LMTK2: variants seen among roughly 807,000 people sequenced by gnomAD.
LMTK2 encodes the protein lemur tail kinase 2, also known as serine/threonine-protein kinase LMTK2.
Under a neutral mutation model 127.5 loss-of-function variants are expected in LMTK2, and 37 were observed. That is an observed-to-expected ratio of 0.29 (90% confidence interval 0.22 to 0.38). The LOEUF (loss-of-function observed/expected upper bound fraction) is 0.38. LMTK2 is among the 10% of genes least tolerant of loss of function. LMTK2 has a pLI of 1.00. For synonymous variants in LMTK2, 819 were observed against 810.1 expected (o/e 1.01, Z -0.19); for missense variants, 1,694 against 1,920.3 (o/e 0.88, Z 2.20).
chr7:98,179,047 T>C (rs1797313767), intron 7 of LMTK2, among the ~76,000 whole-genome samples: 1 of 152,204 alleles, frequency 6.6e-6, no homozygotes, highest in Admixed American at 6.5e-5. Flanking sequence ...CACTGTTTGC[T>C]TCCTCACCAC....
Position 98,153,389 on chromosome 7 carries a change from A to G in LMTK2, c.451-1369A>G, listed in dbSNP as rs148776585. Among the ~76,000 whole-genome samples, 194 of 152,296 alleles carry G rather than the reference A, an allele frequency of 1.3e-3. 1 individual carries two copies. The East Asian group carries it at 0.037, about 29-fold the overall frequency. On this transcript the variant is annotated intron_variant, in intron 4 of 13. Coordinates refer to ENST00000297293, the MANE Select transcript of LMTK2 (RefSeq NM_014916.4). ...AGTTCCAAGAAGATTAATTGCAGTAATGCTGCAGCTTACAAATGGAGTAAG... is the reference window on the plus strand; with the variant it reads ...AGTTCCAAGAAGATTAATTGCAGTAGTGCTGCAGCTTACAAATGGAGTAAG...
In LMTK2 at chr7:98,179,597, C is replaced by T. The variant is rs13224960; in HGVS notation, c.792-5454C>T. 3.4e-3 allele frequency among the ~76,000 whole-genome samples: 501 copies of T among 147,518 alleles called. 5 individuals carry two copies. The highest frequency in any genetic ancestry group is 0.011 in the African/African-American group (455 of 39,572). ...CTCCTCCCTCTCTCCCTCCTTCCCT[C>T]TCTCCCTCCCTCCCTTTCTCCCTCC... is the stretch of plus-strand genomic sequence containing the variant. On this transcript the variant is annotated intron_variant, in intron 7 of 13. Transcript: ENST00000297293.
At chr7:98,188,472 T>A (rs1007692409) in intron 9 of LMTK2, among the ~76,000 whole-genome samples, 16 of 152,048 alleles carry the variant, frequency 1.1e-4, no homozygotes, top group South Asian at 4.1e-4. Context: ...TTATATATAT[T>A]TTTTTAGTAG....
chr7:98,114,119 C>G (rs1252368900), intron 1 of LMTK2, among the ~76,000 whole-genome samples: 1 of 152,052 alleles, frequency 6.6e-6, no homozygotes. Flanking sequence ...AAAAGAGTGA[C>G]TCTGTATTCC....
intron 1 of LMTK2, among the ~76,000 whole-genome samples, chr7:98,118,484 C>T (rs1796318820): frequency 6.6e-6 from 1 of 152,124 alleles, no homozygotes; most frequent in African/African-American, 2.4e-5. Context: ...GAGCATGGGG[C>T]TGTAGACTTG....
intron 11 of LMTK2, among the ~76,000 whole-genome samples, chr7:98,202,373 T>C (rs1797716433): frequency 6.6e-6 from 1 of 152,218 alleles, no homozygotes. Flanking sequence ...ATTTTTATAA[T>C]AGTCCTTTTT....
intron 7 of LMTK2, among the ~76,000 whole-genome samples, chr7:98,181,887 G>C (rs1797361978): frequency 1.3e-5 from 2 of 152,156 alleles, no homozygotes; most frequent in Non-Finnish European, 2.9e-5. Context: ...TCCATCTCTT[G>C]ACCTTGTGAT....
chr7:98,182,599 C>T (rs575399387), intron 7 of LMTK2, among the ~76,000 whole-genome samples: 18 of 152,120 alleles, frequency 1.2e-4, no homozygotes, highest in African/African-American at 3.9e-4. Flanking sequence ...TTGGTGAGGA[C>T]GTGGAAAAAT....
Position 98,209,432 on chromosome 7 carries a change from C to T in LMTK2, c.*3940C>T, listed in dbSNP as rs549859469. On this transcript the variant is annotated 3_prime_UTR_variant, in exon 14 of 14. Transcript: ENST00000297293. ...GGAGGACGTAGGGGGCCGTCACACCCACCAGGCCTCCCTGCTGTGCTTTAA... is the reference window on the plus strand; with the variant it reads ...GGAGGACGTAGGGGGCCGTCACACCTACCAGGCCTCCCTGCTGTGCTTTAA... 1.3e-5 allele frequency: 2 copies of T among 152,300 alleles called. No individual in the cohort carries two copies. Among genetic ancestry groups the T allele is most frequent in the South Asian group, 4.1e-4 (2 of 4,828 alleles). 9.4% of individuals were successfully genotyped at this position (152,300 alleles called of 1,614,324 possible).
intron 13 of LMTK2, among the ~76,000 whole-genome samples, chr7:98,205,038 C>T (rs991936346): frequency 6.6e-6 from 1 of 152,164 alleles, no homozygotes; most frequent in Non-Finnish European, 1.5e-5. Context: ...ACATAGGGAG[C>T]CTTCTTTCCC....
intron 3 of LMTK2, among the ~76,000 whole-genome samples, chr7:98,149,946 G>C (rs1180265893): frequency 6.6e-6 from 1 of 152,144 alleles, no homozygotes; most frequent in Non-Finnish European, 1.5e-5. Context: ...ATAAGAAACA[G>C]CCAATAAAAA....
At chr7:98,139,346 C>A (rs900203998) in intron 2 of LMTK2, among the ~76,000 whole-genome samples, 3 of 152,176 alleles carry the variant, frequency 2.0e-5, no homozygotes, top group Non-Finnish European at 2.9e-5. Flanking sequence ...AACTACTGGG[C>A]TCAAGTGATC....
intron 11 of LMTK2, among the ~76,000 whole-genome samples, chr7:98,200,707 A>C (rs183844775): frequency 1.3e-5 from 2 of 152,248 alleles, no homozygotes; most frequent in Non-Finnish European, 2.9e-5. Flanking sequence ...TCATATTTGC[A>C]TATAACCTAC....
At chr7:98,155,844 A>G (rs1309187983) in intron 5 of LMTK2, among the ~76,000 whole-genome samples, 1 of 152,206 alleles carries the variant, frequency 6.6e-6, no homozygotes, top group Non-Finnish European at 1.5e-5. Flanking sequence ...GAACAAAAAT[A>G]TGGCTGAACT....
chr7:98,158,179 T>TCCATATATTCCAAAA, intron 5 of LMTK2, among the ~76,000 whole-genome samples: 1 of 152,374 alleles, frequency 6.6e-6, no homozygotes, highest in Admixed American at 6.5e-5. Flanking sequence ...TTGCATATAC[T>TCCATATATTCCAAAA]GTGGAAATTT....
rs773728069 is a variant in LMTK2 at position 98,192,939 on chromosome 7, C to T, written c.2474C>T (p.Thr825Met). 1.2e-5 allele frequency: 19 copies of T among 1,614,028 alleles called. No homozygotes were observed. The highest frequency in any genetic ancestry group is 4.4e-5 in the South Asian group (4 of 91,086). ...CCTACCTCCTTCGAAACAGAAGAAA[C>T]GCCCCGTCGGGTACCCCCAGACTCA... is the stretch of plus-strand genomic sequence containing the variant. Reference protein sequence around the residue: ...VPPTSFETEETPRRVPPDSLP... With the variant: ...VPPTSFETEEMPRRVPPDSLP... Residue 825 changes from threonine to methionine, a missense_variant, in exon 11 of 14, where the codon ACG becomes ATG. Thr to Met is a moderately conservative substitution (Grantham distance 81). Coordinates refer to ENST00000297293, the MANE Select transcript of LMTK2 (RefSeq NM_014916.4).
At chr7:98,159,737 G>T (rs1421635579) in intron 6 of LMTK2, among the ~76,000 whole-genome samples, 1 of 151,822 alleles carries the variant, frequency 6.6e-6, no homozygotes, top group African/African-American at 2.4e-5. Context: ...TGGATCAAGT[G>T]TGTAGCACAG....
intron 3 of LMTK2, among the ~76,000 whole-genome samples, chr7:98,145,992 T>C (rs1043039647): frequency 6.6e-6 from 1 of 152,230 alleles, no homozygotes; most frequent in Non-Finnish European, 1.5e-5. Flanking sequence ...TTATATGGTG[T>C]GAGGTAAGGA....
chr7:98,189,102 C>G (rs1382572311), intron 9 of LMTK2, among the ~76,000 whole-genome samples: 1 of 152,022 alleles, frequency 6.6e-6, no homozygotes, highest in Non-Finnish European at 1.5e-5. Context: ...TTCTGTATTT[C>G]TTTTTATTTC....
Sources: gnomAD v4.1 joint callset for allele counts (sites outside exome capture counted in the v4.1 genomes callset) on GRCh38, gnomAD v4.1.1 for gene constraint, MANE v1.5 for transcripts, NCBI Gene and HGNC (gene_info 2026-07-23, HGNC 2026-07-21) for gene names.